MIA3: variants seen among roughly 807,000 people sequenced by gnomAD.
MIA3 encodes transport and Golgi organization protein 1 homolog.
In MIA3, 90 loss-of-function variants were observed where a neutral mutation model predicts 192.4. That is an observed-to-expected ratio of 0.47 (90% CI 0.39 to 0.56). The LOEUF (loss-of-function observed/expected upper bound fraction) is 0.56, where lower values mean the gene tolerates loss of function less well. MIA3 is among the 20% of genes least tolerant of loss of function. MIA3 has a pLI of 0.00. For synonymous variants in MIA3, 740 were observed against 792.8 expected, an observed-to-expected ratio of 0.93 and a Z score of 1.12; for missense variants, 2,123 against 2,269.4, an observed-to-expected ratio of 0.94 and a Z score of 1.31.
Position 222,632,191 on chromosome 1 carries a change from T to A in MIA3, c.3196T>A (p.Phe1066Ile). 1 of 1,614,090 alleles carries A rather than the reference T, an allele frequency of 6.2e-7. No individual in the cohort carries two copies. The highest frequency in any genetic ancestry group is 8.5e-7 in the Non-Finnish European group (1 of 1,180,010). ...GATGCAACCACTGCATGAAGATAAT[T>A]TCTCACGAGAGAAGACAGCAGAACT... is the stretch of plus-strand genomic sequence containing the variant. ...EEMQPLHEDN[F>I]SREKTAELNV... The change falls in exon 5 of 28, where the codon TTC (phenylalanine) becomes ATC (isoleucine). Residue 1066 changes from phenylalanine (F) to isoleucine (I), a missense_variant. Physicochemically the swap from Phe to Ile is conservative, Grantham distance 21. Coordinates refer to ENST00000344922, the MANE Select transcript of MIA3 (RefSeq NM_198551.4).
In MIA3 at chr1:222,650,885, T is replaced by G; in HGVS notation, c.3891T>G (p.Asn1297Lys). The change falls in exon 11 of 28, where the codon AAT becomes AAG. Residue 1297 changes from asparagine (N) to lysine (K), a missense_variant. By Grantham distance (94) the Asn-to-Lys change is moderately conservative. This residue lies in a region of MIA3 where 762 missense variants were observed against 856.4 expected (regional missense o/e 0.89). Transcript: ENST00000344922. ...RVMLESEREQ[N>K]VKNQDLISEN... is the part of the protein sequence containing the mutation. ...TGCTAGAATCTGAGAGAGAACAGAA[T>G]GTCAAGAATCAGGACTTGGTAAGAG... is the stretch of plus-strand genomic sequence containing the variant. The G allele has an allele frequency of 1.2e-6, 2 of 1,601,728 alleles. No homozygotes were observed. The highest frequency in any genetic ancestry group is 1.7e-6 in the Non-Finnish European group (2 of 1,174,300).
intron 15 of MIA3, 129 bp from the exon 16 acceptor site, chr1:222,654,114 C>T: frequency 2.3e-6 from 2 of 854,762 alleles, no homozygotes; most frequent in Non-Finnish European, 3.7e-6. Flanking sequence ...CAGTCTAATC[C>T]TTTTCTGTTT....
At position 222,628,503 on chromosome 1, in the gene MIA3, C is replaced by T. The variant is rs529895757; in HGVS notation, c.1283C>T (p.Pro428Leu). The T allele has an allele frequency of 6.2e-7, 1 of 1,613,650 alleles. No homozygotes were observed. The highest frequency in any genetic ancestry group is 1.3e-5 in the African/African-American group (1 of 74,972). Residue 428 changes from proline to leucine, a missense_variant, in exon 4 of 28, where the codon CCA becomes CTA. This residue lies in a region of MIA3 where 1,357 missense variants were observed against 1,396.1 expected (regional missense o/e 0.97). Transcript: ENST00000344922. ...ALVPDSKQGK[P>L]QSATDYSDPD... ...GTCCCAGATAGCAAACAGGGGAAAC[C>T]ACAGTCAGCAACAGATTATAGTGAC...
intron 2 of MIA3, among the ~76,000 whole-genome samples, chr1:222,622,255 T>C (rs568425106): frequency 7.6e-4 from 116 of 152,332 alleles, no homozygotes; most frequent in African/African-American, 2.6e-3. Flanking sequence ...CATCATGCTT[T>C]GGTATTTTTA....
At chr1:222,642,574 T>C (rs924614591) in intron 6 of MIA3, among the ~76,000 whole-genome samples, 9 of 152,200 alleles carry the variant, frequency 5.9e-5, no homozygotes, top group African/African-American at 2.2e-4. Context: ...GATAGATCTT[T>C]AGAAGTAGGA....
At chr1:222,642,490 A>G (rs1418311679) in intron 6 of MIA3, among the ~76,000 whole-genome samples, 2 of 152,154 alleles carry the variant, frequency 1.3e-5, no homozygotes, top group Non-Finnish European at 2.9e-5. Flanking sequence ...CTTTTGTTAT[A>G]AGTAATGCTG....
rs778660586 is a variant in MIA3 at position 222,650,403 on chromosome 1, T to C, written c.3720+23T>C. 74 of 1,307,838 alleles carry C rather than the reference T, an allele frequency of 5.7e-5. No homozygotes were observed. In the African/African-American group the frequency reaches 9.1e-4, roughly 16 times the overall value. 81.0% of individuals were successfully genotyped at this position (1,307,838 alleles called of 1,614,324 possible). On this transcript the variant is annotated intron_variant, in intron 9 of 27. Transcript: ENST00000344922. Reference sequence around the variant, plus strand: ...AAGGTATGATTATTCTTTGTTTTTTTTTTTTTTCATGGTCCCAGCTTGAAT... The same window carrying C: ...AAGGTATGATTATTCTTTGTTTTTTCTTTTTTTCATGGTCCCAGCTTGAAT...
chr1:222,642,033 G>A (rs763105396), intron 6 of MIA3, among the ~76,000 whole-genome samples: 1 of 152,176 alleles, frequency 6.6e-6, no homozygotes, highest in Non-Finnish European at 1.5e-5. Flanking sequence ...AATGAGAGAA[G>A]CCAGAGAAAA....
At position 222,664,128 on chromosome 1, in the gene MIA3, G is replaced by C. The variant is rs200155528; in HGVS notation, c.5393G>C (p.Arg1798Pro). ...PPQLCGPFGPRPLPPPFGPGM... is the reference protein window; with the variant it reads ...PPQLCGPFGPPPLPPPFGPGM... ...CAGCTCTGCGGACCTTTTGGGCCTC[G>C]GCCACTTCCTCCACCCTTTGGTAAG... is the stretch of plus-strand genomic sequence containing the variant. Residue 1798 changes from arginine (R) to proline (P), a missense_variant, in exon 27 of 28, where the codon CGG (arginine) becomes CCG (proline). Coordinates refer to ENST00000344922, the MANE Select transcript of MIA3 (RefSeq NM_198551.4). The C allele has an allele frequency of 6.2e-7, 1 of 1,614,088 alleles. No individual in the cohort carries two copies. Among genetic ancestry groups the C allele is most frequent in the East Asian group, 2.2e-5 (1 of 44,886 alleles).
In MIA3 at chr1:222,629,965, G is replaced by A. The variant is rs1662319440; in HGVS notation, c.2745G>A (p.Gly915=). ...CTCCACATACAAGTGTAGAGCCAGG[G>A]CATAGTGACAAGAGGGAGGACTTAC... The part of the protein sequence containing the change: ...HWTPHTSVEP[G]HSDKREDLLI... Residue 915 remains glycine, a synonymous_variant, in exon 4 of 28, where the codon GGG becomes GGA. Transcript: ENST00000344922. 6.2e-7 allele frequency: 1 copy of A among 1,613,874 alleles called. No homozygotes were observed. Among genetic ancestry groups the A allele is most frequent in the Non-Finnish European group, 8.5e-7 (1 of 1,179,950 alleles).
chr1:222,618,274 G>A, intron 1 of MIA3, 31 bp downstream of exon 1: 1 of 1,394,988 alleles, frequency 7.2e-7, no homozygotes, highest in Non-Finnish European at 9.4e-7. Flanking sequence ...GCTGGCCTCG[G>A]GGCGGCTGGC....
In MIA3 at chr1:222,653,023, G is replaced by A. The variant is rs377039034; in HGVS notation, c.4102G>A (p.Glu1368Lys). 15 of 1,610,782 alleles carry A rather than the reference G, an allele frequency of 9.3e-6. No homozygotes were observed. Among genetic ancestry groups the A allele is most frequent in the East Asian group, 4.5e-5 (2 of 44,794 alleles). ...KKKEQLQQEIEDWSKLHAELS... is the reference protein window; with the variant it reads ...KKKEQLQQEIKDWSKLHAELS... ...AACTTTGCAGTTGCAGCAGGAAATC[G>A]AAGACTGGAGTAAATTACATGCTGA... is the stretch of plus-strand genomic sequence containing the variant. Residue 1368 changes from glutamate to lysine, a missense_variant, in exon 14 of 28, where the codon GAA (glutamate) becomes AAA (lysine). Transcript: ENST00000344922.
In MIA3 at chr1:222,658,799, C is replaced by T; in HGVS notation, c.4685C>T (p.Ala1562Val). 1 of 1,612,890 alleles carries T rather than the reference C, an allele frequency of 6.2e-7. No individual in the cohort carries two copies. Among genetic ancestry groups the T allele is most frequent in the Non-Finnish European group, 8.5e-7 (1 of 1,179,358 alleles). ...LSAADEKAVS[A>V]AEEVKTYKRR... ...GCTGCAGATGAAAAGGCAGTTTCGG[C>T]TGCAGAGGAAGTAAAAACTTACAAG... is the stretch of plus-strand genomic sequence containing the variant. The change falls in exon 19 of 28, where the codon GCT (alanine) becomes GTT (valine). Residue 1562 changes from alanine (A) to valine (V), a missense_variant. Physicochemically the swap from Ala to Val is moderately conservative, Grantham distance 64. Transcript: ENST00000344922.
intron 5 of MIA3, 49 bp downstream of exon 5, chr1:222,632,375 G>A (rs1002480978): frequency 3.3e-6 from 5 of 1,505,940 alleles, no homozygotes; most frequent in Non-Finnish European, 4.5e-6. Flanking sequence ...CATAAAGAAG[G>A]CCTTCTAGGA....
rs1663142703 is a variant in MIA3, at chr1:222,646,357, G to A, written c.3609+672G>A. ...TTGAACCTGGGAGGCGGAGGCTGCA[G>A]TGAGCTGAGATGTGCCACTGCACTC... On this transcript the variant is annotated intron_variant, in intron 7 of 27. Coordinates refer to ENST00000344922, the MANE Select transcript of MIA3 (RefSeq NM_198551.4). Among the ~76,000 whole-genome samples the A allele has an allele frequency of 1.3e-5, 2 of 151,290 alleles. 1 individual carries two copies. The highest frequency in any genetic ancestry group is 4.2e-4 in the South Asian group (2 of 4,790).
At chr1:222,621,889 A>T (rs1211943176) in intron 2 of MIA3, among the ~76,000 whole-genome samples, 5 of 151,196 alleles carry the variant, frequency 3.3e-5, no homozygotes, top group African/African-American at 4.9e-5. Context: ...GCTCACTGCA[A>T]GCTCCGCCTC....
chr1:222,633,039 A>T, intron 5 of MIA3, 65 bp from the exon 6 acceptor site: 3 of 1,479,828 alleles, frequency 2.0e-6, no homozygotes, highest in South Asian at 1.3e-5. Context: ...GATACTCAAT[A>T]AGTATTTTTT....
chr1:222,656,396 C>T (rs1663732071), intron 18 of MIA3, among the ~76,000 whole-genome samples: 1 of 152,178 alleles, frequency 6.6e-6, no homozygotes, highest in Non-Finnish European at 1.5e-5. Flanking sequence ...AGTATCAGCA[C>T]TTTAAAGATA....
chr1:222,639,354 G>A (rs1662758036), intron 6 of MIA3, among the ~76,000 whole-genome samples: 1 of 152,138 alleles, frequency 6.6e-6, no homozygotes, highest in Non-Finnish European at 1.5e-5. Context: ...TTAAACTGAA[G>A]AGGAGAAAAT....
Sources: gnomAD v4.1 joint callset for allele counts (sites outside exome capture counted in the v4.1 genomes callset) on GRCh38, gnomAD v4.1.1 for gene constraint, gnomAD v4.1.1 regional missense constraint, MANE v1.5 for transcripts, NCBI Gene and HGNC (gene_info 2026-07-23, HGNC 2026-07-21) for gene names.